Variants in ITPR2 observed in about 807,000 individuals in gnomAD.
ITPR2 encodes inositol 1,4,5-trisphosphate-gated calcium channel ITPR2.
In ITPR2, 207 loss-of-function variants were observed where a neutral mutation model predicts 317.1. The observed-to-expected ratio is 0.65, with a 90% confidence interval of 0.58 to 0.73. The LOEUF is 0.73. Ranked by LOEUF, ITPR2 falls within the 30% of genes least tolerant of loss-of-function variation. The pLI, the probability that ITPR2 is intolerant of heterozygous loss-of-function variation, is 0.00. For missense variants in ITPR2, 2,613 were observed against 3,284.0 expected, an observed-to-expected ratio of 0.80 and a Z score of 4.99; for synonymous variants, 1,156 against 1,149.1, an observed-to-expected ratio of 1.01 and a Z score of -0.12.
intron 34 of ITPR2, among the ~76,000 whole-genome samples, chr12:26,577,024 T>C (rs902708190): frequency 1.3e-5 from 2 of 152,230 alleles, no homozygotes; most frequent in African/African-American, 4.8e-5. Context: ...CCTTCCACCT[T>C]CTGCCTTCCC....
At chr12:26,412,797 G>A (rs557857189) in intron 51 of ITPR2, among the ~76,000 whole-genome samples, 1 of 152,240 alleles carries the variant, frequency 6.6e-6, no homozygotes, top group South Asian at 2.1e-4. Flanking sequence ...CTGACAAAAG[G>A]CGCAGAGGCC....
In ITPR2 at chr12:26,785,025, C is replaced by A. The variant is rs867804724; in HGVS notation, c.163+5132G>T. Among the ~76,000 whole-genome samples the A allele has an allele frequency of 4.1e-3, 102 of 25,054 alleles. 1 individual carries two copies. The highest frequency in any genetic ancestry group is 9.5e-3 in the African/African-American group (99 of 10,442). 16.4% of individuals were successfully genotyped at this position (25,054 alleles called of 152,430 possible). On this transcript the variant is annotated intron_variant, in intron 2 of 56. Coordinates refer to ENST00000381340, the MANE Select transcript of ITPR2 (RefSeq NM_002223.4). ...GTCTGGGAGGTGAGGAGCGTCTCTG[C>A]CCGGCCGCCCCGTCTGAGAAGTGAG...
intron 2 of ITPR2, among the ~76,000 whole-genome samples, chr12:26,768,571 T>TA (rs879291062): frequency 0.14 from 12,928 of 93,166 alleles, 2,466 homozygotes; most frequent in African/African-American, 0.18. Context: ...CAAATATATA[T>TA]AAAAAAAAAA....
intron 45 of ITPR2, among the ~76,000 whole-genome samples, chr12:26,451,286 G>T (rs1941734839): frequency 6.6e-6 from 1 of 151,364 alleles, no homozygotes; most frequent in Non-Finnish European, 1.5e-5. Context: ...AGACAGCTCT[G>T]GAGGATTCAT....
At chr12:26,642,682 G>A (rs1050514482) in intron 21 of ITPR2, among the ~76,000 whole-genome samples, 1 of 152,198 alleles carries the variant, frequency 6.6e-6, no homozygotes, top group African/African-American at 2.4e-5. Context: ...AAGAGAACCA[G>A]ACTCAGAACA....
chr12:26,810,215 C>T (rs1950709585), intron 1 of ITPR2, among the ~76,000 whole-genome samples: 1 of 152,208 alleles, frequency 6.6e-6, no homozygotes, highest in South Asian at 2.1e-4. Flanking sequence ...GTAGAACTAC[C>T]CCATTCCTTT....
chr12:26,371,796 T>G (rs1348713722), intron 55 of ITPR2, among the ~76,000 whole-genome samples: 1 of 152,218 alleles, frequency 6.6e-6, no homozygotes, highest in Non-Finnish European at 1.5e-5. Flanking sequence ...CCTTCCTATT[T>G]CCAGTTCCTT....
intron 2 of ITPR2, among the ~76,000 whole-genome samples, chr12:26,767,747 C>T (rs1010133955): frequency 2.0e-5 from 3 of 152,182 alleles, no homozygotes; most frequent in Admixed American, 6.5e-5. Context: ...TTAATTCCCT[C>T]CTAGAATAAA....
chr12:26,574,382 C>A (rs1322768191), intron 34 of ITPR2, among the ~76,000 whole-genome samples: 1 of 152,114 alleles, frequency 6.6e-6, no homozygotes, highest in Non-Finnish European at 1.5e-5. Context: ...TGAATGTGTT[C>A]CACTTTGGTT....
chr12:26,487,145 G>A lies in ITPR2; in HGVS notation c.5477C>T (p.Thr1826Ile). ...AAQKEIRSTV[T>I]VNTIDLGNKK... The stretch of plus-strand genomic sequence containing the variant: ...GTTACCTAAATCTATGGTATTAACT[G>A]TCACTGTTGATCTTATTTCTTTCTG... Residue 1826 changes from threonine (T) to isoleucine (I), a missense_variant, in exon 40 of 57, where the codon ACA becomes ATA. By Grantham distance (89) the Thr-to-Ile change is moderately conservative. Coordinates refer to ENST00000381340, the MANE Select transcript of ITPR2 (RefSeq NM_002223.4). 3 of 1,613,004 alleles carry A rather than the reference G, an allele frequency of 1.9e-6. No homozygotes were observed. Among genetic ancestry groups the A allele is most frequent in the Middle Eastern group, 1.7e-4 (1 of 6,058 alleles).
At chr12:26,585,991 A>G (rs952860769) in intron 32 of ITPR2, among the ~76,000 whole-genome samples, 1 of 152,098 alleles carries the variant, frequency 6.6e-6, no homozygotes, top group African/African-American at 2.4e-5. Context: ...AACTTTTTGT[A>G]TTTCCTGTTC....
At chr12:26,702,584 G>A (rs532088570) in intron 9 of ITPR2, among the ~76,000 whole-genome samples, 17 of 152,092 alleles carry the variant, frequency 1.1e-4, no homozygotes, top group African/African-American at 3.4e-4. Context: ...GGCTACAGGC[G>A]TGTGCCACCA....
chr12:26,651,078 G>A (rs554350846), intron 21 of ITPR2, among the ~76,000 whole-genome samples: 2 of 151,978 alleles, frequency 1.3e-5, no homozygotes, highest in Admixed American at 6.5e-5. Context: ...ATCTTATTAT[G>A]CTCTTAGAGA....
chr12:26,386,776 T>C (rs74072155), intron 55 of ITPR2, among the ~76,000 whole-genome samples: 1 of 152,176 alleles, frequency 6.6e-6, no homozygotes, highest in Non-Finnish European at 1.5e-5. Flanking sequence ...TACACTGAAG[T>C]TGTAACTTTA....
intron 52 of ITPR2, among the ~76,000 whole-genome samples, chr12:26,402,456 C>T (rs979430290): frequency 2.0e-5 from 3 of 152,156 alleles, no homozygotes; most frequent in African/African-American, 7.2e-5. Flanking sequence ...AGGGCTTCTA[C>T]CTCTCTCCGA....
At position 26,700,726 on chromosome 12, in the gene ITPR2, GA is replaced by G. The variant is rs1171253586; in HGVS notation, c.952-5077del. Among the ~76,000 whole-genome samples, 4 of 152,184 alleles carry G rather than the reference GA, an allele frequency of 2.6e-5. No homozygotes were observed. The East Asian group carries it at 7.7e-4, about 29-fold the overall frequency. On this transcript the variant is annotated intron_variant, in intron 9 of 56. Coordinates refer to ENST00000381340, the MANE Select transcript of ITPR2 (RefSeq NM_002223.4). ...CATCCATATTCAGATGATGCAAGGGGACAGAGGATGAAAAAGGGAAAGTAAC... is the reference window on the plus strand; with the variant it reads ...CATCCATATTCAGATGATGCAAGGGGCAGAGGATGAAAAAGGGAAAGTAAC...
At chr12:26,608,108 G>A (rs1309250222) in intron 26 of ITPR2, among the ~76,000 whole-genome samples, 1 of 152,136 alleles carries the variant, frequency 6.6e-6, no homozygotes, top group East Asian at 1.9e-4. Flanking sequence ...GCGACAGAGT[G>A]AGACTCTGTT....
chr12:26,761,003 C>A (rs1378315008), intron 2 of ITPR2, among the ~76,000 whole-genome samples: 1 of 152,108 alleles, frequency 6.6e-6, no homozygotes, highest in African/African-American at 2.4e-5. Context: ...TCTAACCTGG[C>A]TCCCATAGGT....
chr12:26,813,694 C>T (rs1026758958), intron 1 of ITPR2, among the ~76,000 whole-genome samples: 1 of 152,130 alleles, frequency 6.6e-6, no homozygotes, highest in African/African-American at 2.4e-5. Context: ...CAGACCAGAG[C>T]TTTGAGGCTT....
Sources: allele counts gnomAD v4.1 joint callset (sites outside exome capture counted in the v4.1 genomes callset), GRCh38; gene constraint gnomAD v4.1.1; transcripts MANE v1.5; gene names NCBI Gene and HGNC (gene_info 2026-07-23, HGNC 2026-07-21).